Variants in ATG13 observed in about 807,000 individuals in gnomAD.
ATG13 encodes the protein autophagy related 13, also known as autophagy-related protein 13.
ATG13 carries 23 observed loss-of-function variants against 65.5 expected under a neutral mutation model. The observed-to-expected ratio is 0.35, with a 90% CI of 0.25 to 0.50. The LOEUF is 0.50. ATG13 is among the 20% of genes least tolerant of loss of function. ATG13 has a pLI of 0.98. For synonymous variants in ATG13, 252 were observed against 245.2 expected (o/e 1.03, Z -0.26); for missense variants, 566 against 677.0 (o/e 0.84, Z 1.82).
intron 11 of ATG13, among the ~76,000 whole-genome samples, chr11:46,661,648 A>G (rs2061253148): frequency 6.6e-6 from 1 of 151,834 alleles, no homozygotes; most frequent in Non-Finnish European, 1.5e-5. Context: ...CCTGGGCAAC[A>G]TGGTGAAACC....
At chr11:46,646,301 A>T (rs1453826188) in intron 5 of ATG13, among the ~76,000 whole-genome samples, 2 of 151,872 alleles carry the variant, frequency 1.3e-5, no homozygotes, top group East Asian at 3.9e-4. Context: ...GGTACATGCC[A>T]CCATGCCTGG....
intron 6 of ATG13, 69 bp from the exon 7 acceptor site, chr11:46,650,108 A>G: frequency 6.5e-7 from 1 of 1,536,280 alleles, no homozygotes; most frequent in Non-Finnish European, 8.9e-7. Context: ...ATGTCTTAAT[A>G]ATAAATTTGG....
At chr11:46,668,647 A>G (rs2062969583) in intron 16 of ATG13, 71 bp downstream of exon 16, 1 of 1,551,010 alleles carries the variant, frequency 6.4e-7, no homozygotes, top group South Asian at 1.1e-5. Flanking sequence ...AGCCAGAGTC[A>G]CTAATCCCCC....
At chr11:46,672,129 C>G (rs958577383) in intron 18 of ATG13, 126 bp from the exon 19 acceptor site, 1 of 1,475,640 alleles carries the variant, frequency 6.8e-7, no homozygotes, top group Admixed American at 1.8e-5. Context: ...CTGCGTTCTC[C>G]CACTTGCTCG....
At chr11:46,669,661 T>C in intron 18 of ATG13, 129 bp downstream of exon 18, 1 of 1,190,802 alleles carries the variant, frequency 8.4e-7, no homozygotes, top group Non-Finnish European at 1.2e-6. Flanking sequence ...AAAATTATCT[T>C]TTGATCACTC....
At chr11:46,657,025 G>A in intron 8 of ATG13, 70 bp from the exon 9 acceptor site, 1 of 1,316,162 alleles carries the variant, frequency 7.6e-7, no homozygotes. Flanking sequence ...AAATAATTCA[G>A]GGAAAGACGG....
chr11:46,659,084 G>C (rs1310601665), intron 10 of ATG13, among the ~76,000 whole-genome samples: 1 of 152,150 alleles, frequency 6.6e-6, no homozygotes, highest in Non-Finnish European at 1.5e-5. Context: ...GCTACTCGAG[G>C]CTGAAGCAGG....
At chr11:46,643,560 C>G (rs996059287) in intron 2 of ATG13, among the ~76,000 whole-genome samples, 2 of 151,128 alleles carry the variant, frequency 1.3e-5, no homozygotes, top group African/African-American at 4.9e-5. Context: ...TCGTCTCTCT[C>G]TAAATGCATT....
At chr11:46,623,736 GTTTTT>G (rs543682552) in intron 1 of ATG13, among the ~76,000 whole-genome samples, 1 of 151,972 alleles carries the variant, frequency 6.6e-6, no homozygotes. Context: ...CTGGCAACTA[GTTTTT>G]TTATTTGTTA....
chr11:46,655,098 C>CA (rs572278395), intron 7 of ATG13, among the ~76,000 whole-genome samples: 10 of 149,662 alleles, frequency 6.7e-5, no homozygotes, highest in Admixed American at 1.3e-4. Flanking sequence ...GACACTGTCT[C>CA]AAAAAAAACC....
chr11:46,622,108 TATATATATATATATA>T (rs2047822075), intron 1 of ATG13, among the ~76,000 whole-genome samples: 9 of 121,434 alleles, frequency 7.4e-5, no homozygotes, highest in African/African-American at 1.3e-4. Context: ...TATATATATA[TATATATATATATATA>T]TATATTTATT....
chr11:46,645,333 C>A lies in ATG13; in HGVS notation c.70-6C>A, dbSNP rs753290726. On this transcript the variant is annotated splice_region_variant and splice_polypyrimidine_tract_variant and intron_variant, in intron 3 of 18. Transcript: ENST00000683050. The stretch of plus-strand genomic sequence containing the variant: ...AGGATTTCTTTTGTGTTTTTTTTTT[C>A]TTTAGACTGTCCAAGTGATTGTCCA... The A allele has an allele frequency of 3.1e-6, 5 of 1,592,680 alleles. No individual in the cohort carries two copies. The South Asian group carries it at 3.4e-5, about 11-fold the overall frequency.
chr11:46,636,095 T>G (rs967477124), intron 2 of ATG13, among the ~76,000 whole-genome samples: 12 of 152,144 alleles, frequency 7.9e-5, no homozygotes, highest in Non-Finnish European at 5.9e-5. Context: ...AATGATAGAT[T>G]CCAGTAGGTA....
intron 7 of ATG13, among the ~76,000 whole-genome samples, chr11:46,652,814 G>GC (rs1298301523): frequency 2.0e-5 from 3 of 152,102 alleles, no homozygotes; most frequent in Non-Finnish European, 2.9e-5. Context: ...CTTGTTAAAG[G>GC]CCTTAAAGGG....
At chr11:46,636,415 G>A (rs2053974984) in intron 2 of ATG13, among the ~76,000 whole-genome samples, 1 of 151,932 alleles carries the variant, frequency 6.6e-6, no homozygotes, top group Non-Finnish European at 1.5e-5. Context: ...AAAATTACCT[G>A]GGCATGGTGG....
At chr11:46,633,546 C>T (rs971357652) in intron 2 of ATG13, among the ~76,000 whole-genome samples, 24 of 151,834 alleles carry the variant, frequency 1.6e-4, no homozygotes, top group African/African-American at 2.7e-4. Context: ...GGGGTTTCGC[C>T]GTGTTGGTCA....
At chr11:46,622,227 C>T (rs2047964864) in intron 1 of ATG13, among the ~76,000 whole-genome samples, 1 of 150,644 alleles carries the variant, frequency 6.6e-6, no homozygotes, top group Non-Finnish European at 1.5e-5. Context: ...AAGCGATTCT[C>T]CCGCCTCAGC....
chr11:46,618,424 T>G (rs1365886714), intron 1 of ATG13: 1 of 152,328 alleles, frequency 6.6e-6, no homozygotes, highest in African/African-American at 2.4e-5. Context: ...CTTCCCAGTT[T>G]TCACTTTTCC....
intron 11 of ATG13, 50 bp from the exon 12 acceptor site, chr11:46,663,947 T>C: frequency 1.8e-6 from 1 of 552,742 alleles, no homozygotes; most frequent in Non-Finnish European, 2.5e-6. Flanking sequence ...TCCCTTTTCT[T>C]TTTTTTTTTT....
Sources: gnomAD v4.1 joint callset for allele counts (sites outside exome capture counted in the v4.1 genomes callset) on GRCh38, gnomAD v4.1.1 for gene constraint, MANE v1.5 for transcripts, NCBI Gene and HGNC (gene_info 2026-07-23, HGNC 2026-07-21) for gene names.